Variants in SLC44A5 observed in about 807,000 individuals in gnomAD.
SLC44A5 encodes the protein choline transporter-like protein 5.
Under a neutral mutation model 101.8 loss-of-function variants are expected in SLC44A5, and 57 were observed. The ratio of observed to expected loss-of-function variants is 0.56; its 90% CI spans 0.45 to 0.70. The LOEUF is 0.70. Among genes scored for constraint, SLC44A5 ranks in the 30% least tolerant of loss-of-function variants. SLC44A5 has a pLI of 0.00. For missense variants in SLC44A5, 737 were observed against 853.1 expected, an observed-to-expected ratio of 0.86 and a Z score of 1.70; for synonymous variants, 281 against 290.9, an observed-to-expected ratio of 0.97 and a Z score of 0.35.
At chr1:75,322,121 G>T (rs1656201201) in intron 4 of SLC44A5, among the ~76,000 whole-genome samples, 1 of 152,120 alleles carries the variant, frequency 6.6e-6, no homozygotes, top group South Asian at 2.1e-4. Flanking sequence ...GACCAGCCTG[G>T]CCAAAATGGC....
intron 2 of SLC44A5, among the ~76,000 whole-genome samples, chr1:75,508,845 G>A (rs772504236): frequency 6.6e-6 from 1 of 152,214 alleles, no homozygotes; most frequent in Non-Finnish European, 1.5e-5. Context: ...GAATAATTTA[G>A]GGAATCTAGG....
chr1:75,447,745 AT>A (rs1043706073), intron 2 of SLC44A5, among the ~76,000 whole-genome samples: 1 of 151,934 alleles, frequency 6.6e-6, no homozygotes, highest in Non-Finnish European at 1.5e-5. Context: ...CTCTTTATTA[AT>A]TTTTTGCCTT....
intron 3 of SLC44A5, among the ~76,000 whole-genome samples, chr1:75,368,536 A>C (rs1415534522): frequency 6.6e-6 from 1 of 152,204 alleles, no homozygotes; most frequent in Non-Finnish European, 1.5e-5. Flanking sequence ...AGGTGGCATT[A>C]ACTCAATATT....
At chr1:75,464,437 AG>A in intron 2 of SLC44A5, among the ~76,000 whole-genome samples, 1 of 152,212 alleles carries the variant, frequency 6.6e-6, no homozygotes, top group South Asian at 2.1e-4. Context: ...AAAATAAGCA[AG>A]AAATTAAATC....
intron 1 of SLC44A5, among the ~76,000 whole-genome samples, chr1:75,584,635 C>G (rs1451211170): frequency 1.3e-5 from 2 of 152,112 alleles, no homozygotes; most frequent in African/African-American, 4.8e-5. Flanking sequence ...CTCTGTCACC[C>G]AGGCTGGAGT....
intron 1 of SLC44A5, among the ~76,000 whole-genome samples, chr1:75,552,899 C>CT (rs5775292): frequency 0.95 from 144,628 of 152,112 alleles, 68,795 homozygotes; most frequent in East Asian, 0.98. Context: ...CTTTTCCATG[C>CT]TTTCACCTTT....
intron 1 of SLC44A5, among the ~76,000 whole-genome samples, chr1:75,609,510 T>C (rs1357480123): frequency 6.6e-6 from 1 of 152,076 alleles, no homozygotes; most frequent in Non-Finnish European, 1.5e-5. Context: ...CTGTGAAATC[T>C]TGTGCTGTTG....
upstream of SLC44A5, among the ~76,000 whole-genome samples, chr1:75,613,090 G>C (rs1675726607): frequency 6.6e-6 from 1 of 152,184 alleles, no homozygotes; most frequent in South Asian, 2.1e-4. Flanking sequence ...CTTATGGATA[G>C]TCTCTCTTGC....
rs1646697557 is a variant in SLC44A5 at position 75,203,568 on chromosome 1, T to C, written c.*159A>G. 5.9e-6 allele frequency: 4 copies of C among 678,794 alleles called. No individual in the cohort carries two copies. The highest frequency in any genetic ancestry group is 5.6e-5 in the African/African-American group (3 of 53,644). 42.0% of individuals were successfully genotyped at this position (678,794 alleles called of 1,614,324 possible). On this transcript the variant is annotated 3_prime_UTR_variant, in exon 24 of 24. Transcript: ENST00000370859. The stretch of plus-strand genomic sequence containing the variant: ...CCTTGCGACTTCTGATGGCTTCACA[T>C]AGTACAGTATAAGCTTTGGTATAAA...
At chr1:75,664,472 T>C in the SLC44A5 span, among the ~76,000 whole-genome samples, 1 of 152,094 alleles carries the variant, frequency 6.6e-6, no homozygotes, top group Non-Finnish European at 1.5e-5. Context: ...AGTTTCAGGA[T>C]ACAAAATCAA....
intron 2 of SLC44A5, among the ~76,000 whole-genome samples, chr1:75,534,391 C>T (rs1298606964): frequency 1.3e-5 from 2 of 152,148 alleles, no homozygotes; most frequent in African/African-American, 2.4e-5. Context: ...GCTCTCTGCC[C>T]CTCCTACTCC....
intron 3 of SLC44A5, among the ~76,000 whole-genome samples, chr1:75,369,170 C>A (rs751465770): frequency 6.6e-6 from 1 of 151,924 alleles, no homozygotes; most frequent in Non-Finnish European, 1.5e-5. Flanking sequence ...CACACCACTA[C>A]ACTTGGCTAT....
intron 2 of SLC44A5, among the ~76,000 whole-genome samples, chr1:75,403,763 A>G (rs1662664883): frequency 6.6e-6 from 1 of 152,184 alleles, no homozygotes; most frequent in Admixed American, 6.5e-5. Flanking sequence ...AAACGGCTGA[A>G]AATTACAAAT....
intron 2 of SLC44A5, among the ~76,000 whole-genome samples, chr1:75,446,462 C>T (rs1488401922): frequency 6.6e-6 from 1 of 152,144 alleles, no homozygotes; most frequent in African/African-American, 2.4e-5. Context: ...CCTCTTCGAG[C>T]TTACATTTTT....
chr1:75,701,641 T>C, the SLC44A5 span, among the ~76,000 whole-genome samples: 3 of 152,200 alleles, frequency 2.0e-5, no homozygotes, highest in Admixed American at 6.5e-5. Flanking sequence ...AACATAGTGT[T>C]GGAAGTTCTG....
At chr1:75,522,803 C>T (rs1234772979) in intron 2 of SLC44A5, among the ~76,000 whole-genome samples, 1 of 152,182 alleles carries the variant, frequency 6.6e-6, no homozygotes, top group African/African-American at 2.4e-5. Context: ...GTACTTGCTT[C>T]ATTTTGGGAT....
intron 4 of SLC44A5, among the ~76,000 whole-genome samples, chr1:75,332,355 C>T (rs1657119297): frequency 1.3e-5 from 2 of 152,080 alleles, no homozygotes; most frequent in Admixed American, 6.6e-5. Flanking sequence ...TTTCTATTTT[C>T]ATTTTAATAA....
chr1:75,701,313 C>T, the SLC44A5 span, among the ~76,000 whole-genome samples: 29 of 152,298 alleles, frequency 1.9e-4, no homozygotes, highest in Non-Finnish European at 3.8e-4. Context: ...CCACCATGAT[C>T]GAATGGGCTT....
At chr1:75,592,164 T>C (rs939173212) in intron 1 of SLC44A5, among the ~76,000 whole-genome samples, 6 of 152,150 alleles carry the variant, frequency 3.9e-5, no homozygotes, top group Non-Finnish European at 8.8e-5. Flanking sequence ...TTAGAGCTGA[T>C]AAATTCAGTA....
Sources: allele counts gnomAD v4.1 joint callset (sites outside exome capture counted in the v4.1 genomes callset), GRCh38; gene constraint gnomAD v4.1.1; transcripts MANE v1.5; gene names NCBI Gene and HGNC (gene_info 2026-07-23, HGNC 2026-07-21).